Variants in ENOX1 observed in about 807,000 individuals in gnomAD.
The protein encoded by ENOX1 is candidate growth-related and time keeping constitutive hydroquinone (NADH) oxidase.
A neutral mutation model predicts 82.5 loss-of-function variants in ENOX1; 42 were observed. The ratio of observed to expected loss-of-function variants is 0.51; its 90% CI spans 0.40 to 0.66. ENOX1 has a LOEUF of 0.66. Among genes scored for constraint, ENOX1 ranks in the 30% least tolerant of loss-of-function variants. ENOX1 has a pLI of 0.00. For synonymous variants in ENOX1, 271 were observed against 282.2 expected (o/e 0.96, Z 0.40); for missense variants, 608 against 811.6 (o/e 0.75, Z 3.05).
intron 2 of ENOX1, among the ~76,000 whole-genome samples, chr13:43,529,855 T>A (rs2078136259): frequency 7.0e-6 from 1 of 143,596 alleles, no homozygotes; most frequent in Non-Finnish European, 1.6e-5. Context: ...AGGCCAACTG[T>A]CTCTAGGCCC....
chr13:43,655,911 T>G (rs1331301147), intron 2 of ENOX1, among the ~76,000 whole-genome samples: 1 of 152,216 alleles, frequency 6.6e-6, no homozygotes, highest in African/African-American at 2.4e-5. Flanking sequence ...CATTCCTGAT[T>G]CGGGGATCTT....
At chr13:43,739,521 C>G (rs1024498675) in intron 1 of ENOX1, among the ~76,000 whole-genome samples, 1 of 151,520 alleles carries the variant, frequency 6.6e-6, no homozygotes, top group Non-Finnish European at 1.5e-5. Context: ...TGCACTCCAG[C>G]CTGGGCAACC....
At chr13:43,298,105 A>C (rs945374239) in intron 12 of ENOX1, among the ~76,000 whole-genome samples, 1 of 152,136 alleles carries the variant, frequency 6.6e-6, no homozygotes, top group African/African-American at 2.4e-5. Flanking sequence ...CCTAAATCCA[A>C]ATCATTTTCC....
At chr13:43,543,428 T>C (rs762651052) in intron 2 of ENOX1, among the ~76,000 whole-genome samples, 33 of 152,070 alleles carry the variant, frequency 2.2e-4, no homozygotes, top group Non-Finnish European at 4.0e-4. Context: ...TAGATGAGTG[T>C]TATTGTGTGG....
At chr13:43,395,191 C>T (rs980474434) in intron 5 of ENOX1, among the ~76,000 whole-genome samples, 7 of 152,228 alleles carry the variant, frequency 4.6e-5, no homozygotes, top group African/African-American at 1.7e-4. Flanking sequence ...ACATTCACTA[C>T]TGTGGGGCAG....
At chr13:43,266,949 A>G (rs2044408235) in intron 13 of ENOX1, among the ~76,000 whole-genome samples, 1 of 152,156 alleles carries the variant, frequency 6.6e-6, no homozygotes, top group African/African-American at 2.4e-5. Context: ...TAAATGTGCC[A>G]GTTGCTCTCC....
intron 3 of ENOX1, among the ~76,000 whole-genome samples, chr13:43,447,915 A>G (rs1439970354): frequency 6.6e-6 from 1 of 152,216 alleles, no homozygotes; most frequent in Non-Finnish European, 1.5e-5. Flanking sequence ...ACAGCAATCA[A>G]TGCCTTTAAT....
At chr13:43,673,624 C>A (rs1159585786) in intron 1 of ENOX1, among the ~76,000 whole-genome samples, 1 of 152,214 alleles carries the variant, frequency 6.6e-6, no homozygotes, top group Admixed American at 6.5e-5. Flanking sequence ...CCTCTCTGTG[C>A]CCCACAGGGC....
intron 1 of ENOX1, among the ~76,000 whole-genome samples, chr13:43,709,077 T>G (rs1481627616): frequency 6.6e-6 from 1 of 152,156 alleles, no homozygotes; most frequent in African/African-American, 2.4e-5. Context: ...AAAATATAAT[T>G]TTTAATTCTA....
At chr13:43,217,424 A>G (rs1433017233) in intron 16 of ENOX1, among the ~76,000 whole-genome samples, 4 of 152,178 alleles carry the variant, frequency 2.6e-5, no homozygotes, top group Non-Finnish European at 4.4e-5. Context: ...ATGTGGCAAC[A>G]TCTTGTTTTC....
At chr13:43,514,525 T>C (rs2077487385) in intron 2 of ENOX1, among the ~76,000 whole-genome samples, 1 of 152,100 alleles carries the variant, frequency 6.6e-6, no homozygotes, top group Admixed American at 6.6e-5. Context: ...TGGAAGGGAA[T>C]GATGAAGATG....
intron 1 of ENOX1, among the ~76,000 whole-genome samples, chr13:43,680,644 G>A (rs1436963131): frequency 6.6e-6 from 1 of 152,100 alleles, no homozygotes; most frequent in Non-Finnish European, 1.5e-5. Flanking sequence ...GCATAATGGT[G>A]ATGATAACAG....
At position 43,406,642 on chromosome 13, in the gene ENOX1, G is replaced by A. The variant is rs573651247; in HGVS notation, c.208+5274C>T. 3.3e-5 allele frequency among the ~76,000 whole-genome samples: 5 copies of A among 151,952 alleles called. 1 individual carries two copies. The Middle Eastern group carries it at 0.01, about 312-fold the overall frequency. ...CGAGTAGCTGGGACTACAGGTGCCCGCCACCATGCCCTGCTAATTTTTTTG... is the reference window on the plus strand; with the variant it reads ...CGAGTAGCTGGGACTACAGGTGCCCACCACCATGCCCTGCTAATTTTTTTG... On this transcript the variant is annotated intron_variant, in intron 5 of 16. Coordinates refer to ENST00000690772, the MANE Select transcript of ENOX1 (RefSeq NM_001347969.2).
intron 12 of ENOX1, among the ~76,000 whole-genome samples, chr13:43,283,138 A>G (rs1030537752): frequency 1.3e-5 from 2 of 152,066 alleles, no homozygotes; most frequent in African/African-American, 4.8e-5. Context: ...TTTCTTTCCA[A>G]TTCAGTTTTG....
At chr13:43,409,727 T>C (rs1594402997) in intron 5 of ENOX1, among the ~76,000 whole-genome samples, 1 of 152,216 alleles carries the variant, frequency 6.6e-6, no homozygotes, top group East Asian at 1.9e-4. Context: ...AAGAATACAA[T>C]GGAAAAATAG....
chr13:43,273,728 G>A (rs577495140), intron 12 of ENOX1, among the ~76,000 whole-genome samples: 79 of 152,246 alleles, frequency 5.2e-4, no homozygotes, highest in African/African-American at 1.8e-3. Context: ...CCTACACTAC[G>A]AAATGCGGTA....
At chr13:43,238,371 T>C (rs1436160605) in intron 14 of ENOX1, among the ~76,000 whole-genome samples, 1 of 152,164 alleles carries the variant, frequency 6.6e-6, no homozygotes, top group Non-Finnish European at 1.5e-5. Context: ...GGAAAGGAAA[T>C]AGAAATTCCT....
intron 2 of ENOX1, among the ~76,000 whole-genome samples, chr13:43,572,027 G>A (rs570730009): frequency 6.6e-6 from 1 of 152,190 alleles, no homozygotes; most frequent in African/African-American, 2.4e-5. Flanking sequence ...TAAGAGATTA[G>A]AGGGCAACTT....
intron 2 of ENOX1, among the ~76,000 whole-genome samples, chr13:43,537,383 G>A (rs775641337): frequency 6.6e-6 from 1 of 152,166 alleles, no homozygotes; most frequent in Non-Finnish European, 1.5e-5. Context: ...TAAATAAGAG[G>A]CCTCATTCAC....
Sources: gnomAD v4.1 joint callset for allele counts (sites outside exome capture counted in the v4.1 genomes callset) on GRCh38, gnomAD v4.1.1 for gene constraint, MANE v1.5 for transcripts, NCBI Gene and HGNC (gene_info 2026-07-23, HGNC 2026-07-21) for gene names.